DCC: variants seen among roughly 807,000 people sequenced by gnomAD.
DCC encodes netrin receptor DCC.
A neutral mutation model predicts 172.5 loss-of-function variants in DCC; 58 were observed. The observed-to-expected ratio is 0.34, with a 90% CI of 0.27 to 0.42. The LOEUF (loss-of-function observed/expected upper bound fraction) is 0.42, where lower values mean the gene tolerates loss of function less well. DCC is among the 10% of genes least tolerant of loss of function. DCC has a pLI of 1.00. For missense variants in DCC, 1,740 were observed against 1,791.0 expected (o/e 0.97, Z 0.51); for synonymous variants, 709 against 644.5 (o/e 1.10, Z -1.52).
At chr18:52,440,230 G>A (rs1157839770) in intron 1 of DCC, among the ~76,000 whole-genome samples, 3 of 152,102 alleles carry the variant, frequency 2.0e-5, no homozygotes, top group Non-Finnish European at 4.4e-5. Context: ...ATCTTCAAGA[G>A]AATTCCATCT....
chr18:53,174,402 G>A (rs1480249792), intron 8 of DCC, among the ~76,000 whole-genome samples: 1 of 151,360 alleles, frequency 6.6e-6, no homozygotes, highest in Non-Finnish European at 1.5e-5. Context: ...TTTTTTGAAA[G>A]GATCAACCAA....
chr18:53,268,616 G>GA (rs949487701), intron 12 of DCC, among the ~76,000 whole-genome samples: 25 of 151,688 alleles, frequency 1.6e-4, no homozygotes, highest in African/African-American at 4.3e-4. Context: ...ATTTGGCCTT[G>GA]AAAAAAAATG....
At chr18:52,415,620 T>C (rs1598799960) in intron 1 of DCC, among the ~76,000 whole-genome samples, 1 of 152,088 alleles carries the variant, frequency 6.6e-6, no homozygotes, top group African/African-American at 2.4e-5. Flanking sequence ...AGGGAGAGAA[T>C]TGCGAGAGTA....
chr18:53,432,631 G>A (rs1213771554), intron 21 of DCC, among the ~76,000 whole-genome samples: 1 of 152,086 alleles, frequency 6.6e-6, no homozygotes, highest in African/African-American at 2.4e-5. Context: ...GCTGTGATAT[G>A]CCAAGAAGTA....
chr18:53,337,029 T>TA (rs1486828610), intron 14 of DCC, among the ~76,000 whole-genome samples: 1 of 152,254 alleles, frequency 6.6e-6, no homozygotes, highest in Non-Finnish European at 1.5e-5. Flanking sequence ...AGTGGAGTCT[T>TA]ACGTTCTTCA....
intron 21 of DCC, among the ~76,000 whole-genome samples, chr18:53,426,243 TTATATATTTATATATAAATACA>T (rs1325413832): frequency 5.7e-4 from 83 of 145,788 alleles, no homozygotes; most frequent in African/African-American, 1.9e-3. Flanking sequence ...GTCTGTGTAT[TTATATATTTATATATAAATACA>T]TATATATTTA....
intron 25 of DCC, among the ~76,000 whole-genome samples, chr18:53,469,974 T>C (rs901666255): frequency 6.6e-6 from 1 of 152,148 alleles, no homozygotes; most frequent in East Asian, 1.9e-4. Flanking sequence ...AAACACTTTC[T>C]CTTTGGCTTG....
intron 8 of DCC, among the ~76,000 whole-genome samples, chr18:53,161,880 T>A (rs147933810): frequency 6.6e-6 from 1 of 152,192 alleles, no homozygotes; most frequent in Admixed American, 6.5e-5. Flanking sequence ...TAAAATAATA[T>A]TGGAAGGCTG....
intron 25 of DCC, among the ~76,000 whole-genome samples, chr18:53,481,417 G>A (rs926360186): frequency 5.3e-5 from 8 of 152,126 alleles, no homozygotes; most frequent in Admixed American, 3.3e-4. Context: ...TTCCAAAAGC[G>A]ACCCTCTATG....
intron 2 of DCC, among the ~76,000 whole-genome samples, chr18:52,773,611 C>T (rs928501106): frequency 6.6e-6 from 1 of 152,282 alleles, no homozygotes; most frequent in Middle Eastern, 3.4e-3. Context: ...ACTGCAACCT[C>T]TCCCTCCTGG....
chr18:52,381,308 G>A (rs1568142237), intron 1 of DCC, among the ~76,000 whole-genome samples: 2 of 152,106 alleles, frequency 1.3e-5, no homozygotes, highest in Non-Finnish European at 2.9e-5. Flanking sequence ...AGTTGGTGCA[G>A]CATTTTAGAA....
chr18:52,637,231 C>A (rs1402299838), intron 1 of DCC, among the ~76,000 whole-genome samples: 3 of 152,098 alleles, frequency 2.0e-5, no homozygotes, highest in African/African-American at 7.2e-5. Flanking sequence ...AACCAGAAAC[C>A]CAACCCTGGT....
intron 1 of DCC, among the ~76,000 whole-genome samples, chr18:52,468,357 A>T (rs1025712432): frequency 6.6e-6 from 1 of 152,226 alleles, no homozygotes; most frequent in Non-Finnish European, 1.5e-5. Flanking sequence ...AGGAGCAGAG[A>T]CAAAGATGAA....
intron 1 of DCC, among the ~76,000 whole-genome samples, chr18:52,728,988 C>T (rs533982278): frequency 1.3e-5 from 2 of 152,270 alleles, no homozygotes; most frequent in East Asian, 1.9e-4. Context: ...CCTCTAAGAC[C>T]GGGCTCCCTA....
At chr18:52,689,449 G>A (rs1044762523) in intron 1 of DCC, among the ~76,000 whole-genome samples, 1 of 152,152 alleles carries the variant, frequency 6.6e-6, no homozygotes, top group Admixed American at 6.5e-5. Flanking sequence ...TAATGAATGA[G>A]GTTGGATAAA....
chr18:52,696,978 C>T (rs1194406577), intron 1 of DCC, among the ~76,000 whole-genome samples: 3 of 152,066 alleles, frequency 2.0e-5, no homozygotes, highest in African/African-American at 7.2e-5. Context: ...TTGGGAGGTA[C>T]CCCACAGGGA....
intron 1 of DCC, among the ~76,000 whole-genome samples, chr18:52,722,765 C>G (rs2036492633): frequency 6.6e-6 from 1 of 152,092 alleles, no homozygotes; most frequent in Admixed American, 6.6e-5. Flanking sequence ...CTAAGGGTCT[C>G]CTTTCACCAC....
intron 24 of DCC, among the ~76,000 whole-genome samples, chr18:53,463,571 A>G (rs767929934): frequency 2.2e-4 from 33 of 152,188 alleles, no homozygotes; most frequent in Non-Finnish European, 3.7e-4. Context: ...GTTAAATTCT[A>G]TGATTTGGAC....
At chr18:52,399,290 C>G (rs1243031997) in intron 1 of DCC, among the ~76,000 whole-genome samples, 2 of 151,916 alleles carry the variant, frequency 1.3e-5, no homozygotes, top group African/African-American at 4.8e-5. Flanking sequence ...TAACTTCCTC[C>G]TAGCTCTAGT....
Sources: allele counts gnomAD v4.1 joint callset (sites outside exome capture counted in the v4.1 genomes callset), GRCh38; gene constraint gnomAD v4.1.1; transcripts MANE v1.5; gene names NCBI Gene and HGNC (gene_info 2026-07-23, HGNC 2026-07-21).